Variants in ERV3-1 observed in about 807,000 individuals in gnomAD.
ERV3-1 encodes endogenous retrovirus group 3 member 1 Env polyprotein.
In ERV3-1, 36 loss-of-function variants were observed where a neutral mutation model predicts 24.6. The observed-to-expected ratio is 1.47, with a 90% CI of 1.12 to 1.94. The LOEUF (loss-of-function observed/expected upper bound fraction) is 1.94. Among genes scored for constraint, ERV3-1 ranks in the 30% most tolerant of loss-of-function variants. ERV3-1 has a pLI of 0.00. For synonymous variants in ERV3-1, 211 were observed against 122.6 expected, an observed-to-expected ratio of 1.72 and a Z score of -4.76; for missense variants, 578 against 330.9, an observed-to-expected ratio of 1.75 and a Z score of -5.79.
chr7:64,994,060 T>C (rs1286471157), intron 1 of ERV3-1, among the ~76,000 whole-genome samples: 1 of 151,912 alleles, frequency 6.6e-6, no homozygotes, highest in Non-Finnish European at 1.5e-5. Flanking sequence ...CCTGAAAAGG[T>C]GTAGACAAGT....
At chr7:65,000,154 TATCAA>T (rs1169607485) in intron 1 of ERV3-1, among the ~76,000 whole-genome samples, 1 of 142,278 alleles carries the variant, frequency 7.0e-6, no homozygotes, top group African/African-American at 2.5e-5. Flanking sequence ...CATAAACACC[TATCAA>T]TGGCAGACTG....
At chr7:65,006,290 G>A (rs1786647798) in intron 1 of ERV3-1, 4 of 592,342 alleles carry the variant, frequency 6.8e-6, no homozygotes, top group South Asian at 5.8e-5. Flanking sequence ...GGGCAGAGCT[G>A]CCCACAGAGG....
intron 1 of ERV3-1, among the ~76,000 whole-genome samples, chr7:64,995,131 G>A (rs144073548): frequency 7.9e-5 from 12 of 152,322 alleles, no homozygotes; most frequent in African/African-American, 2.2e-4. Flanking sequence ...TCAAGTCATC[G>A]TTGGGTTTGA....
At chr7:65,002,892 G>A (rs979260317) in intron 1 of ERV3-1, among the ~76,000 whole-genome samples, 2 of 152,042 alleles carry the variant, frequency 1.3e-5, no homozygotes, top group African/African-American at 4.8e-5. Flanking sequence ...AATCCTTAAA[G>A]CTCTTATAGT....
rs1484522789 is a variant in ERV3-1 at position 64,992,974 on chromosome 7, G to T, written c.53C>A (p.Ser18Tyr). The change falls in exon 2 of 2, where the codon TCC becomes TAC. Residue 18 changes from serine (S) to tyrosine (Y), a missense_variant. Physicochemically the swap from Ser to Tyr is moderately radical, Grantham distance 144. Transcript: ENST00000394323. ...LITLFLLLPL[S>Y]MLKGEPWEGC... Reference sequence around the variant, plus strand: ...CTCCCAGGGTTCTCCTTTTAACATGGATAAGGGGAGTAGCAAGAACAAAGT... The same window carrying T: ...CTCCCAGGGTTCTCCTTTTAACATGTATAAGGGGAGTAGCAAGAACAAAGT... 1 of 766,046 alleles carries T rather than the reference G, an allele frequency of 1.3e-6. No homozygotes were observed. The highest frequency in any genetic ancestry group is 2.4e-6 in the Non-Finnish European group (1 of 417,714). 47.5% of individuals were successfully genotyped at this position (766,046 alleles called of 1,614,324 possible).
chr7:65,000,489 CTG>C (rs796846156), intron 1 of ERV3-1, among the ~76,000 whole-genome samples: 17 of 152,270 alleles, frequency 1.1e-4, no homozygotes, highest in African/African-American at 4.1e-4. Flanking sequence ...TCCCAAAGTG[CTG>C]TGATTACAGG....
intron 1 of ERV3-1, among the ~76,000 whole-genome samples, chr7:64,998,683 C>T (rs562674891): frequency 1.3e-5 from 2 of 152,264 alleles, no homozygotes; most frequent in Admixed American, 1.3e-4. Context: ...GTATTTCAGA[C>T]ACTTCTTAGA....
At chr7:64,999,490 C>A (rs889941804) in intron 1 of ERV3-1, among the ~76,000 whole-genome samples, 1 of 152,114 alleles carries the variant, frequency 6.6e-6, no homozygotes, top group Non-Finnish European at 1.5e-5. Flanking sequence ...CCAACAGGGG[C>A]GGGTCAGGTT....
intron 1 of ERV3-1, among the ~76,000 whole-genome samples, chr7:65,001,896 G>A (rs1786531780): frequency 6.6e-6 from 1 of 152,154 alleles, no homozygotes; most frequent in African/African-American, 2.4e-5. Context: ...GCAGACACCA[G>A]TCACAAACCC....
At chr7:64,997,289 G>A (rs1206002746) in intron 1 of ERV3-1, among the ~76,000 whole-genome samples, 2 of 152,292 alleles carry the variant, frequency 1.3e-5, no homozygotes, top group Admixed American at 6.5e-5. Flanking sequence ...TCTAAAAGCT[G>A]AGTGGCATTC....
chr7:65,000,160 T>C (rs527421325), intron 1 of ERV3-1, among the ~76,000 whole-genome samples: 3 of 128,478 alleles, frequency 2.3e-5, no homozygotes, highest in Non-Finnish European at 5.2e-5. Context: ...CACCTATCAA[T>C]GGCAGACTGG....
At chr7:65,006,422 C>G (rs1786652091) in intron 1 of ERV3-1, 119 bp downstream of exon 1, 5 of 1,471,848 alleles carry the variant, frequency 3.4e-6, no homozygotes, top group African/African-American at 2.8e-5. Context: ...CCAAGGAGAA[C>G]TCGGGGCCGC....
At chr7:65,005,318 A>G (rs1274911959) in intron 1 of ERV3-1, 1 of 152,204 alleles carries the variant, frequency 6.6e-6, no homozygotes, top group East Asian at 1.9e-4. Context: ...ATTACCTTAT[A>G]AAGTTTCCAA....
At chr7:65,000,160 T>G (rs527421325) in intron 1 of ERV3-1, among the ~76,000 whole-genome samples, 1 of 128,478 alleles carries the variant, frequency 7.8e-6, no homozygotes, top group African/African-American at 2.6e-5. Context: ...CACCTATCAA[T>G]GGCAGACTGG....
rs1786253264 is a variant in ERV3-1, at chr7:64,991,101, TA to T, written c.*110del. 2.0e-5 allele frequency: 12 copies of T among 595,320 alleles called. No homozygotes were observed. The highest frequency in any genetic ancestry group is 3.3e-5 in the Non-Finnish European group (11 of 334,412). 36.9% of individuals were successfully genotyped at this position (595,320 alleles called of 1,614,324 possible). A position where few individuals can be genotyped will look rare whatever the true frequency, so the allele number is the denominator to read the frequency against. On this transcript the variant is annotated 3_prime_UTR_variant, in exon 2 of 2. Coordinates refer to ENST00000394323, the MANE Select transcript of ERV3-1 (RefSeq NM_001007253.4). ...TTTGGATATTTTTGACAATGAGGGGTAAGAGACAAGGGAGTATAAGGCAAAC... is the reference window on the plus strand; with the variant it reads ...TTTGGATATTTTTGACAATGAGGGGTAGAGACAAGGGAGTATAAGGCAAAC...
In ERV3-1 at chr7:64,993,258, A is replaced by C. The variant is rs989898895; in HGVS notation, c.-232T>G. ...CGTGTGTGGACTGGTCAGCTTCCGG[A>C]GTGACCAGAGCAGGGCTGTTGTCAT... On this transcript the variant is annotated 5_prime_UTR_variant, in exon 2 of 2. Transcript: ENST00000394323. The C allele has an allele frequency of 1.2e-5, 6 of 502,930 alleles. No individual in the cohort carries two copies. The highest frequency in any genetic ancestry group is 1.1e-4 in the African/African-American group (6 of 52,178). The allele number at this position is 502,930 out of a possible 1,614,324, so 31.2% of individuals were successfully genotyped here.
In ERV3-1 at chr7:65,006,530, G is replaced by A. The variant is rs1161350775; in HGVS notation, c.-389+11C>T. 12 of 1,574,688 alleles carry A rather than the reference G, an allele frequency of 7.6e-6. No homozygotes were observed. Among genetic ancestry groups the A allele is most frequent in the East Asian group, 2.2e-5 (1 of 44,574 alleles). ...CCCCCTCTCTCGGGATGTCGGACCC[G>A]GCACTCTCACCATTTCTAGGCTTCC... On this transcript the variant is annotated intron_variant, in intron 1 of 1. Transcript: ENST00000394323.
Position 64,991,827 on chromosome 7 carries a change from A to T in ERV3-1, c.1200T>A (p.His400Gln), listed in dbSNP as rs903617353. Reference sequence around the variant, plus strand: ...TTGGAGCTTCAAGTTGGTACCAAGAATGGTTTAAAGATGGGAAACGAGAGA... The same window carrying T: ...TTGGAGCTTCAAGTTGGTACCAAGATTGGTTTAAAGATGGGAAACGAGAGA... ...SPFSRFPSLNHSWYQLEAPNT... is the reference protein window; with the variant it reads ...SPFSRFPSLNQSWYQLEAPNT... Residue 400 changes from histidine (H) to glutamine (Q), a missense_variant, in exon 2 of 2, where the codon CAT (histidine) becomes CAA (glutamine). His to Gln is a conservative substitution (Grantham distance 24). Coordinates refer to ENST00000394323, the MANE Select transcript of ERV3-1 (RefSeq NM_001007253.4). The T allele has an allele frequency of 1.0e-5, 8 of 766,144 alleles. No homozygotes were observed. The highest frequency in any genetic ancestry group is 1.9e-5 in the Non-Finnish European group (8 of 417,918). The allele number at this position is 766,144 out of a possible 1,614,324, so 47.5% of individuals were successfully genotyped here.
intron 1 of ERV3-1, among the ~76,000 whole-genome samples, chr7:65,002,734 C>T (rs1035737455): frequency 6.6e-6 from 1 of 152,198 alleles, no homozygotes; most frequent in African/African-American, 2.4e-5. Context: ...ATTTTATGTT[C>T]CTCCTAAAAA....
Sources: allele counts gnomAD v4.1 joint callset (sites outside exome capture counted in the v4.1 genomes callset), GRCh38; gene constraint gnomAD v4.1.1; transcripts MANE v1.5; gene names NCBI Gene and HGNC (gene_info 2026-07-23, HGNC 2026-07-21).